Variants in FBN1 observed in about 807,000 individuals in gnomAD.
FBN1 encodes the protein fibrillin 1, also known as fibrillin-1.
In FBN1, 29 loss-of-function variants were observed where a neutral mutation model predicts 365.1. The observed-to-expected ratio is 0.08, with a 90% CI of 0.06 to 0.11. FBN1 has a LOEUF of 0.11. Ranked by LOEUF, FBN1 falls within the 10% of genes least tolerant of loss-of-function variation. FBN1 has a pLI of 1.00. For missense variants in FBN1, 2,476 were observed against 3,703.2 expected (o/e 0.67, Z 8.60); for synonymous variants, 1,210 against 1,270.5 (o/e 0.95, Z 1.01).
chr15:48,457,581 G>A (rs1178793016), intron 43 of FBN1, among the ~76,000 whole-genome samples: 2 of 152,108 alleles, frequency 1.3e-5, no homozygotes, highest in East Asian at 3.9e-4. Context: ...CATGTCCCCA[G>A]CCTGGAGTGG....
intron 4 of FBN1, among the ~76,000 whole-genome samples, chr15:48,606,682 C>T (rs539589648): frequency 6.6e-6 from 1 of 152,286 alleles, no homozygotes; most frequent in South Asian, 2.1e-4. Flanking sequence ...TTTGTGATAT[C>T]CTGGTTCTGC....
chr15:48,560,791 G>A (rs2044217200), intron 6 of FBN1, among the ~76,000 whole-genome samples: 1 of 152,062 alleles, frequency 6.6e-6, no homozygotes. Context: ...GCCAGAAGAG[G>A]CCCTGGAAAT....
rs139649325 is a variant in FBN1, at chr15:48,596,093, T to C, written c.538+190A>G. Among the ~76,000 whole-genome samples the C allele has an allele frequency of 1.2e-3, 183 of 152,302 alleles. 1 individual carries two copies. The highest frequency in any genetic ancestry group is 4.3e-3 in the African/African-American group (177 of 41,556). On this transcript the variant is annotated intron_variant, in intron 6 of 65. Coordinates refer to ENST00000316623, the MANE Select transcript of FBN1 (RefSeq NM_000138.5). ...TAGGTAAACTTGGACTGACAAACAT[T>C]GCCGAATATCATGCATAGATTCAGG...
intron 8 of FBN1, among the ~76,000 whole-genome samples, chr15:48,527,823 T>C (rs943259469): frequency 6.6e-6 from 1 of 152,232 alleles, no homozygotes. Flanking sequence ...ATTGCAAAAT[T>C]ATGTAACGGT....
rs949411093 is a variant in FBN1 at position 48,428,332 on chromosome 15, C to T, written c.6997+14G>A. 1 of 1,613,978 alleles carries T rather than the reference C, an allele frequency of 6.2e-7. No individual in the cohort carries two copies. The highest frequency in any genetic ancestry group is 8.5e-7 in the Non-Finnish European group (1 of 1,179,948). The stretch of plus-strand genomic sequence containing the variant: ...AGGCTGAGGTTAGGAAAGTGCGGTG[C>T]CAACTGTACTCACCAAGGCACTCGT... On this transcript the variant is annotated intron_variant, in intron 57 of 65. Transcript: ENST00000316623.
chr15:48,472,038 T>G (rs147711814), intron 35 of FBN1, among the ~76,000 whole-genome samples: 11 of 152,382 alleles, frequency 7.2e-5, no homozygotes, highest in African/African-American at 2.6e-4. Flanking sequence ...ATATGTTAGA[T>G]ATTTAGAGCA....
chr15:48,600,010 G>A (rs1374249082), intron 5 of FBN1, 129 bp downstream of exon 5: 5 of 728,768 alleles, frequency 6.9e-6, no homozygotes, highest in Non-Finnish European at 9.8e-6. Flanking sequence ...CATCTGTAAA[G>A]GTCACTGGAC....
In FBN1 at chr15:48,569,356, C is replaced by T. The variant is rs1331269796; in HGVS notation, c.538+26927G>A. 2.6e-5 allele frequency among the ~76,000 whole-genome samples: 4 copies of T among 152,220 alleles called. No individual in the cohort carries two copies. In the East Asian group the frequency reaches 7.7e-4, roughly 29 times the overall value. On this transcript the variant is annotated intron_variant, in intron 6 of 65. Coordinates refer to ENST00000316623, the MANE Select transcript of FBN1 (RefSeq NM_000138.5). ...GAATATGGAGAAACTAGAACCCTCA[C>T]TCATTGTTTAATGGGAATGTAAAAT...
In FBN1 at chr15:48,432,999, G is replaced by T. The variant is rs932325724; in HGVS notation, c.6617-11C>A. On this transcript the variant is annotated splice_polypyrimidine_tract_variant and intron_variant, in intron 54 of 65. Coordinates refer to ENST00000316623, the MANE Select transcript of FBN1 (RefSeq NM_000138.5). The stretch of plus-strand genomic sequence containing the variant: ...CACATTCATTTATATCTGCAGCAGA[G>T]GAGAGTAAGTAAATAAGGGATCATG... 5.0e-6 allele frequency: 8 copies of T among 1,612,828 alleles called. No homozygotes were observed. In the East Asian group the frequency reaches 1.8e-4, roughly 36 times the overall value.
At chr15:48,437,642 A>G in intron 51 of FBN1, 126 bp downstream of exon 51, 1 of 1,088,628 alleles carries the variant, frequency 9.2e-7, no homozygotes, top group Non-Finnish European at 1.3e-6. Flanking sequence ...ATTTTTAATG[A>G]ACATTCTAAT....
At chr15:48,579,557 G>A (rs922280115) in intron 6 of FBN1, among the ~76,000 whole-genome samples, 3 of 152,090 alleles carry the variant, frequency 2.0e-5, no homozygotes. Context: ...TGGACATCTG[G>A]AATAGCTCAG....
intron 32 of FBN1, among the ~76,000 whole-genome samples, chr15:48,477,707 A>C (rs1046001065): frequency 3.3e-5 from 5 of 152,238 alleles, no homozygotes; most frequent in African/African-American, 1.2e-4. Flanking sequence ...TGCCAAGAAT[A>C]TCTCTTTCTG....
Position 48,444,464 on chromosome 15 carries a change from A to G in FBN1, c.6037+77T>C, listed in dbSNP as rs1487042125. 2.6e-6 allele frequency: 4 copies of G among 1,553,344 alleles called. No individual in the cohort carries two copies. The Admixed American group carries it at 5.0e-5, about 19-fold the overall frequency. On this transcript the variant is annotated intron_variant, in intron 49 of 65. Transcript: ENST00000316623. ...TAAAGTATTCCAAAATGAAGACGTCATTACAAAAATTCTCATTCTGCTAAG... is the reference window on the plus strand; with the variant it reads ...TAAAGTATTCCAAAATGAAGACGTCGTTACAAAAATTCTCATTCTGCTAAG...
chr15:48,427,467 C>T, intron 58 of FBN1, 100 bp downstream of exon 58: 1 of 1,253,172 alleles, frequency 8.0e-7, no homozygotes, highest in Non-Finnish European at 1.1e-6. Flanking sequence ...TGCAATTCAA[C>T]CTAGGCACAT....
intron 50 of FBN1, among the ~76,000 whole-genome samples, chr15:48,438,335 C>A (rs1264826975): frequency 6.6e-6 from 1 of 152,136 alleles, no homozygotes; most frequent in Non-Finnish European, 1.5e-5. Context: ...GTAAGAGAAT[C>A]CTCTTAGTTC....
chr15:48,505,616 G>C (rs1473750312), intron 15 of FBN1, among the ~76,000 whole-genome samples: 1 of 152,054 alleles, frequency 6.6e-6, no homozygotes, highest in Non-Finnish European at 1.5e-5. Flanking sequence ...GGGAAAATTC[G>C]CCTAAAATTA....
intron 14 of FBN1, among the ~76,000 whole-genome samples, chr15:48,509,461 T>C (rs1337467438): frequency 4.7e-5 from 7 of 147,820 alleles, no homozygotes; most frequent in Non-Finnish European, 7.5e-5. Context: ...ACATATATAA[T>C]GTATTTTAAA....
At chr15:48,543,212 C>G (rs970246002) in intron 6 of FBN1, among the ~76,000 whole-genome samples, 4 of 152,174 alleles carry the variant, frequency 2.6e-5, no homozygotes, top group Admixed American at 6.5e-5. Flanking sequence ...CATTTCCAGT[C>G]TCTTTCCTTC....
chr15:48,470,603 G>A (rs372618441), intron 36 of FBN1, 31 bp downstream of exon 36: 58 of 1,613,328 alleles, frequency 3.6e-5, no homozygotes, highest in Non-Finnish European at 4.5e-5. Flanking sequence ...GGACACCAGG[G>A]AGCTGATTTT....
Sources: gnomAD v4.1 joint callset for allele counts (sites outside exome capture counted in the v4.1 genomes callset) on GRCh38, gnomAD v4.1.1 for gene constraint, MANE v1.5 for transcripts, NCBI Gene and HGNC (gene_info 2026-07-23, HGNC 2026-07-21) for gene names.